The following ZBBX variants were observed in gnomAD, a reference collection of about 807,000 sequenced individuals.
ZBBX encodes the protein zinc finger B-box domain containing, also known as zinc finger B-box domain-containing protein 1.
A neutral mutation model predicts 108.5 loss-of-function variants in ZBBX; 101 were observed. The ratio of observed to expected loss-of-function variants is 0.93; its 90% CI spans 0.79 to 1.10. The LOEUF (loss-of-function observed/expected upper bound fraction) is 1.10, where lower values mean the gene tolerates loss of function less well. Among genes scored for constraint, ZBBX ranks in the 50% least tolerant of loss-of-function variants. The probability of loss-of-function intolerance (pLI) is 0.00; values close to 1 mark genes in which losing one functional copy is unlikely to be tolerated. For synonymous variants in ZBBX, 356 were observed against 323.4 expected (o/e 1.10, Z -1.08); for missense variants, 1,009 against 941.4 (o/e 1.07, Z -0.94).
chr3:167,183,166 C>A, the ZBBX span, among the ~76,000 whole-genome samples: 3 of 152,188 alleles, frequency 2.0e-5, no homozygotes, highest in Non-Finnish European at 4.4e-5. Context: ...GGCAAACAAA[C>A]CTGCTCTGTC....
intron 6 of ZBBX, among the ~76,000 whole-genome samples, chr3:167,364,956 G>A (rs1267339644): frequency 6.6e-6 from 1 of 151,670 alleles, no homozygotes; most frequent in Non-Finnish European, 1.5e-5. Context: ...CTTTCTCACT[G>A]TTTTATGGTT....
chr3:167,199,647 G>C, the ZBBX span, among the ~76,000 whole-genome samples: 1 of 152,096 alleles, frequency 6.6e-6, no homozygotes, highest in African/African-American at 2.4e-5. Flanking sequence ...CTCTCAAAAA[G>C]CTATCTCCTC....
intron 16 of ZBBX, among the ~76,000 whole-genome samples, chr3:167,312,993 T>C (rs1477005255): frequency 2.0e-5 from 3 of 152,178 alleles, no homozygotes; most frequent in African/African-American, 7.2e-5. Flanking sequence ...GTAGATCAAA[T>C]CTAATAGTTA....
At chr3:167,381,720 A>T (rs960200117), upstream of ZBBX, among the ~76,000 whole-genome samples, 1 of 152,164 alleles carries the variant, frequency 6.6e-6, no homozygotes, top group Non-Finnish European at 1.5e-5. Flanking sequence ...TATTCCACAA[A>T]TATTTATTGA....
chr3:167,401,897 T>C (rs1175921419), intron 1 of ZBBX, among the ~76,000 whole-genome samples: 1 of 152,096 alleles, frequency 6.6e-6, no homozygotes, highest in African/African-American at 2.4e-5. Flanking sequence ...AAAATAAAAA[T>C]CATATTTCCA....
chr3:167,264,401 G>T (rs1267580190), intron 20 of ZBBX, among the ~76,000 whole-genome samples: 1 of 151,918 alleles, frequency 6.6e-6, no homozygotes, highest in East Asian at 1.9e-4. Context: ...GTTCCCATGA[G>T]ACTTGCAAGT....
Position 167,405,715 on chromosome 3 carries a change from C to T in ZBBX, c.-446+2011G>A, listed in dbSNP as rs145758706. On this transcript the variant is annotated intron_variant, in intron 1 of 21. Coordinates refer to the ZBBX transcript ENST00000455345. ...GGTATTCCTGGTAAGCTGGTACCAC[C>T]AATAATTTAAAAGCCTATTGCTTGA... Among the ~76,000 whole-genome samples, 410 of 152,170 alleles carry T rather than the reference C, an allele frequency of 2.7e-3. 2 individuals carry two copies. Among genetic ancestry groups the T allele is most frequent in the African/African-American group, 9.1e-3 (377 of 41,508 alleles).
chr3:167,269,452 A>G (rs1169052558), intron 20 of ZBBX, among the ~76,000 whole-genome samples: 1 of 152,200 alleles, frequency 6.6e-6, no homozygotes, highest in Non-Finnish European at 1.5e-5. Flanking sequence ...AAGTTAGTCT[A>G]AAAGGATTCC....
chr3:167,300,873 C>A (rs1479209260), intron 17 of ZBBX, among the ~76,000 whole-genome samples: 2 of 150,938 alleles, frequency 1.3e-5, no homozygotes, highest in Non-Finnish European at 2.9e-5. Context: ...ACCTCAGCCT[C>A]CCAAAGTGCT....
At chr3:167,308,168 C>A (rs4955788) in intron 16 of ZBBX, among the ~76,000 whole-genome samples, 66 of 152,238 alleles carry the variant, frequency 4.3e-4, no homozygotes, top group Admixed American at 2.6e-3. Flanking sequence ...AGACACTTTC[C>A]TAAAAGGGAC....
At chr3:167,288,801 A>G (rs1282667653) in intron 19 of ZBBX, 66 bp downstream of exon 19, 16 of 1,128,100 alleles carry the variant, frequency 1.4e-5, no homozygotes, top group Admixed American at 8.4e-5. Flanking sequence ...CTAAACTGCT[A>G]AAAAAGCAAA....
At chr3:167,320,931 G>A (rs371032278) in intron 12 of ZBBX, among the ~76,000 whole-genome samples, 1 of 151,980 alleles carries the variant, frequency 6.6e-6, no homozygotes, top group East Asian at 1.9e-4. Flanking sequence ...AATGGATAAG[G>A]AAATATGACA....
intron 17 of ZBBX, among the ~76,000 whole-genome samples, chr3:167,304,129 A>G (rs1259192032): frequency 1.3e-5 from 2 of 152,048 alleles, no homozygotes; most frequent in African/African-American, 2.4e-5. Flanking sequence ...CTTCCTTTCT[A>G]TTTTTAAACA....
At chr3:167,270,289 C>T (rs1726298740) in intron 20 of ZBBX, among the ~76,000 whole-genome samples, 1 of 152,178 alleles carries the variant, frequency 6.6e-6, no homozygotes, top group Non-Finnish European at 1.5e-5. Context: ...TTGCCTCAAA[C>T]TAAGCATGAG....
chr3:167,266,966 C>T (rs551256037), intron 20 of ZBBX, among the ~76,000 whole-genome samples: 12 of 152,174 alleles, frequency 7.9e-5, no homozygotes, highest in Admixed American at 3.9e-4. Flanking sequence ...CTCAGCAACC[C>T]GGGAAAGGAA....
At chr3:167,223,719 A>C in the ZBBX span, among the ~76,000 whole-genome samples, 20 of 152,038 alleles carry the variant, frequency 1.3e-4, no homozygotes, top group Admixed American at 2.6e-4. Flanking sequence ...TTTTGCCTTA[A>C]AATCATTATT....
chr3:167,407,271 T>C (rs1359036896), intron 1 of ZBBX, among the ~76,000 whole-genome samples: 1 of 152,236 alleles, frequency 6.6e-6, no homozygotes, highest in Non-Finnish European at 1.5e-5. Context: ...TGTAAATACA[T>C]TAACTTTAAA....
chr3:167,298,685 C>T (rs1732086798), intron 17 of ZBBX, among the ~76,000 whole-genome samples: 1 of 152,022 alleles, frequency 6.6e-6, no homozygotes, highest in Admixed American at 6.6e-5. Context: ...CCAAAGAGGA[C>T]AGAAGTTCAT....
chr3:167,252,101 T>G, intron 20 of ZBBX: 1 of 1,265,758 alleles, frequency 7.9e-7, no homozygotes, highest in African/African-American at 1.5e-5. Flanking sequence ...CCACAGCAAT[T>G]TGAATCAAAG....
Sources: allele counts gnomAD v4.1 joint callset (sites outside exome capture counted in the v4.1 genomes callset), GRCh38; gene constraint gnomAD v4.1.1; transcripts MANE v1.5; gene names NCBI Gene and HGNC (gene_info 2026-07-23, HGNC 2026-07-21).